Variants in KBTBD2 observed in about 807,000 individuals in gnomAD.
KBTBD2 encodes the protein kelch repeat and BTB domain-containing protein 2.
Under a neutral mutation model 57.1 loss-of-function variants are expected in KBTBD2, and 17 were observed. That is an observed-to-expected ratio of 0.30 (90% CI 0.20 to 0.45). KBTBD2 has a LOEUF of 0.45. Among genes scored for constraint, KBTBD2 ranks in the 20% least tolerant of loss-of-function variants. The pLI, the probability that KBTBD2 is intolerant of heterozygous loss-of-function variation, is 1.00. For missense variants in KBTBD2, 515 were observed against 750.6 expected, an observed-to-expected ratio of 0.69 and a Z score of 3.67; for synonymous variants, 267 against 262.7, an observed-to-expected ratio of 1.02 and a Z score of -0.16.
At chr7:32,880,616 T>C (rs1178203887) in intron 1 of KBTBD2, among the ~76,000 whole-genome samples, 3 of 151,576 alleles carry the variant, frequency 2.0e-5, no homozygotes, top group African/African-American at 7.3e-5. Context: ...ATTACACAAA[T>C]ATGAATGTTC....
intron 1 of KBTBD2, among the ~76,000 whole-genome samples, chr7:32,891,307 G>T: frequency 6.7e-6 from 1 of 148,610 alleles, no homozygotes. Flanking sequence ...CCTGCCCGGA[G>T]CTCCGCCGCC....
At chr7:32,876,126 A>G (rs1784306127) in intron 2 of KBTBD2, among the ~76,000 whole-genome samples, 1 of 152,242 alleles carries the variant, frequency 6.6e-6, no homozygotes, top group African/African-American at 2.4e-5. Flanking sequence ...ACAGGAAATC[A>G]TGATGGAAAG....
intron 2 of KBTBD2, among the ~76,000 whole-genome samples, chr7:32,876,196 T>C (rs557385104): frequency 1.3e-5 from 2 of 151,808 alleles, no homozygotes; most frequent in African/African-American, 4.8e-5. Flanking sequence ...GAGAGGAAAA[T>C]AGGAGAGAAA....
chr7:32,876,208 G>T (rs372450998), intron 2 of KBTBD2, among the ~76,000 whole-genome samples: 3 of 152,306 alleles, frequency 2.0e-5, no homozygotes. Context: ...GGAGAGAAAA[G>T]CTTCTGCATG....
chr7:32,887,098 A>G lies in KBTBD2; in HGVS notation c.-339+4438T>C, dbSNP rs1465235348. ...AATAGAAGCAAAGCAAGCTTTTCCA[A>G]TGTTAACCAGGCAGAATATAGAGAC... On this transcript the variant is annotated intron_variant, in intron 1 of 3. Transcript: ENST00000304056. Among the ~76,000 whole-genome samples, 5 of 152,312 alleles carry G rather than the reference A, an allele frequency of 3.3e-5. No homozygotes were observed. In the East Asian group the frequency reaches 7.7e-4, roughly 23 times the overall value.
chr7:32,880,538 G>A (rs1438376663), intron 1 of KBTBD2, among the ~76,000 whole-genome samples: 2 of 134,210 alleles, frequency 1.5e-5, no homozygotes, highest in Admixed American at 1.7e-4. Flanking sequence ...ACAAATAAAA[G>A]TATATTTTAC....
In KBTBD2 at chr7:32,869,244, G is replaced by T; in HGVS notation, c.*101C>A. On this transcript the variant is annotated 3_prime_UTR_variant, in exon 4 of 4. Coordinates refer to ENST00000304056, the MANE Select transcript of KBTBD2 (RefSeq NM_015483.3). ...ATAAAAATAAAATTTATCAAAGATA[G>T]AATTTTATGTACTCATATTTAGTTC... The T allele has an allele frequency of 1.3e-6, 1 of 792,754 alleles. No homozygotes were observed. The highest frequency in any genetic ancestry group is 2.0e-6 in the Non-Finnish European group (1 of 502,164). 49.1% of individuals were successfully genotyped at this position (792,754 alleles called of 1,614,324 possible).
rs188679085 is a variant in KBTBD2 at position 32,889,220 on chromosome 7, G to A, written c.-339+2316C>T. Among the ~76,000 whole-genome samples, 373 of 152,002 alleles carry A rather than the reference G, an allele frequency of 2.5e-3. 1 individual carries two copies. The highest frequency in any genetic ancestry group is 8.5e-3 in the African/African-American group (353 of 41,444). Reference sequence around the variant, plus strand: ...GCAGGAGAATGGCGTGAACCCGGGAGGCGGAGCTTGCAGTGAGCCAAGATC... The same window carrying A: ...GCAGGAGAATGGCGTGAACCCGGGAAGCGGAGCTTGCAGTGAGCCAAGATC... On this transcript the variant is annotated intron_variant, in intron 1 of 3. Transcript: ENST00000304056.
At chr7:32,890,057 T>C (rs577480525) in intron 1 of KBTBD2, among the ~76,000 whole-genome samples, 2 of 149,796 alleles carry the variant, frequency 1.3e-5, no homozygotes, top group Non-Finnish European at 2.9e-5. Flanking sequence ...ATGCTTCTTA[T>C]GAGAGCAAAA....
intron 2 of KBTBD2, among the ~76,000 whole-genome samples, chr7:32,876,063 C>T (rs1003601128): frequency 2.6e-5 from 4 of 152,210 alleles, no homozygotes; most frequent in Admixed American, 6.5e-5. Flanking sequence ...AATTCATTTA[C>T]TCAAACAATT....
intron 1 of KBTBD2, among the ~76,000 whole-genome samples, chr7:32,889,792 G>T (rs1444017725): frequency 6.6e-6 from 1 of 152,210 alleles, no homozygotes; most frequent in Non-Finnish European, 1.5e-5. Flanking sequence ...GCAAAGAGAA[G>T]AGGGGAAGGG....
intron 1 of KBTBD2, 101 bp downstream of exon 1, chr7:32,891,435 C>T (rs2127960047): frequency 6.6e-6 from 1 of 150,932 alleles, no homozygotes; most frequent in South Asian, 2.1e-4. Flanking sequence ...CCCGCCGAGC[C>T]ACAAAGGGCC....
chr7:32,891,186 C>A (rs1342793307), intron 1 of KBTBD2: 1 of 150,832 alleles, frequency 6.6e-6, no homozygotes, highest in Non-Finnish European at 1.5e-5. Context: ...TAAGGGCGGG[C>A]GCGAGCCGAG....
Position 32,879,927 on chromosome 7 carries a change from G to C in KBTBD2, c.-323C>G, listed in dbSNP as rs544757252. On this transcript the variant is annotated 5_prime_UTR_variant, in exon 2 of 4. Transcript: ENST00000304056. Reference sequence around the variant, plus strand: ...TTTGTGGCAACATCCTATGTTCAGCGGATCCTGTGGAGTAACTAAAAAGAA... The same window carrying C: ...TTTGTGGCAACATCCTATGTTCAGCCGATCCTGTGGAGTAACTAAAAAGAA... The C allele has an allele frequency of 2.6e-5, 6 of 233,858 alleles. No individual in the cohort carries two copies. The East Asian group carries it at 6.9e-4, about 27-fold the overall frequency. The allele number at this position is 233,858 out of a possible 1,614,324, so 14.5% of individuals were successfully genotyped here.
rs188554162 is a variant in KBTBD2, at chr7:32,885,421, G to A, written c.-338-5479C>T. On this transcript the variant is annotated intron_variant, in intron 1 of 3. Transcript: ENST00000304056. ...GCTTTCCCCAATTCCTGCTAGTTCC[G>A]TGGACTTCCGAAACATGTTCTTATC... 1.8e-4 allele frequency among the ~76,000 whole-genome samples: 26 copies of A among 145,982 alleles called. No individual in the cohort carries two copies. The East Asian group carries it at 3.2e-3, about 18-fold the overall frequency.
chr7:32,883,461 CACAA>C (rs780333081), intron 1 of KBTBD2, among the ~76,000 whole-genome samples: 10 of 152,294 alleles, frequency 6.6e-5, no homozygotes, highest in Admixed American at 2.0e-4. Context: ...ATGCCCACAA[CACAA>C]ACATTTTCTG....
chr7:32,891,230 G>A (rs945668612), intron 1 of KBTBD2: 1 of 150,188 alleles, frequency 6.7e-6, no homozygotes, highest in Non-Finnish European at 1.5e-5. Context: ...CGCGGGCGCC[G>A]AGGCGCCCGG....
At position 32,869,402 on chromosome 7, in the gene KBTBD2, C is replaced by G. The variant is rs757966440; in HGVS notation, c.1815G>C (p.Thr605=). ...CCAGTTCAAACTCTTCTGTCCCATC[C>G]GTTGAAAAAAGATAAGTTGGTGGTT... ...PWKPPTYLFS[T]DGTEEFELDG... The change falls in exon 4 of 4, where the codon ACG becomes ACC. Residue 605 remains threonine (T), a synonymous_variant. Transcript: ENST00000304056. The G allele has an allele frequency of 5.6e-6, 9 of 1,613,834 alleles. No homozygotes were observed. The African/African-American group carries it at 1.2e-4, about 22-fold the overall frequency.
chr7:32,885,340 T>C (rs1243096189), intron 1 of KBTBD2, among the ~76,000 whole-genome samples: 4 of 151,974 alleles, frequency 2.6e-5, no homozygotes, highest in African/African-American at 9.7e-5. Flanking sequence ...TTTATATATA[T>C]TCCACTTTTC....
Sources: gnomAD v4.1 joint callset for allele counts (sites outside exome capture counted in the v4.1 genomes callset) on GRCh38, gnomAD v4.1.1 for gene constraint, MANE v1.5 for transcripts, NCBI Gene and HGNC (gene_info 2026-07-23, HGNC 2026-07-21) for gene names.